Variants in KLHL6 observed in about 807,000 individuals in gnomAD.
KLHL6 encodes the protein kelch-like protein 6.
KLHL6 carries 41 observed loss-of-function variants against 58.6 expected under a neutral mutation model. The ratio of observed to expected loss-of-function variants is 0.70; its 90% confidence interval spans 0.55 to 0.91. The LOEUF (loss-of-function observed/expected upper bound fraction) is 0.91, where lower values mean the gene tolerates loss of function less well. KLHL6 is among the 40% of genes least tolerant of loss of function. The probability of loss-of-function intolerance (pLI) is 0.00; values close to 1 mark genes in which losing one functional copy is unlikely to be tolerated. For synonymous variants in KLHL6, 338 were observed against 322.7 expected (o/e 1.05, Z -0.51); for missense variants, 714 against 805.6 (o/e 0.89, Z 1.38).
At position 183,499,500 on chromosome 3, in the gene KLHL6, T is replaced by A; in HGVS notation, c.1147+90A>T. 2.4e-6 allele frequency: 2 copies of A among 831,692 alleles called. No homozygotes were observed. The highest frequency in any genetic ancestry group is 3.8e-6 in the Non-Finnish European group (2 of 520,416). 51.5% of individuals were successfully genotyped at this position (831,692 alleles called of 1,614,324 possible). On this transcript the variant is annotated intron_variant, in intron 4 of 6. Coordinates refer to ENST00000341319, the MANE Select transcript of KLHL6 (RefSeq NM_130446.4). The surrounding 1 kb of genome is among the most constrained non-coding windows in gnomAD (Gnocchi z 4.6). ...GAGCCGGATCATTGCCAATTCACAG[T>A]AATTCTTCTAGGATGGTTGCCTGGC...
chr3:183,553,949 A>G (rs1267068082), intron 1 of KLHL6, among the ~76,000 whole-genome samples: 4 of 151,610 alleles, frequency 2.6e-5, no homozygotes, highest in Non-Finnish European at 5.9e-5. Flanking sequence ...TCTATGAATT[A>G]CAAAGAAACG....
chr3:183,531,443 G>GTTTTTTTT lies in KLHL6; in HGVS notation c.294-3441_294-3434dup, dbSNP rs59579259. 4.5e-4 allele frequency among the ~76,000 whole-genome samples: 41 copies of GTTTTTTTT among 90,346 alleles called. 1 individual carries two copies. Among genetic ancestry groups the GTTTTTTTT allele is most frequent in the African/African-American group, 1.5e-3 (32 of 20,660 alleles). The allele number at this position is 90,346 out of a possible 152,430, so 59.3% of individuals were successfully genotyped here. On this transcript the variant is annotated intron_variant, in intron 1 of 6. Transcript: ENST00000341319. ...TTCTTTCTGTTCTTTTTTTGTCTGT[G>GTTTTTTTT]TTTTTTTTTTTTTTTTTTTTTTTTG...
chr3:183,535,876 T>C (rs931919014), intron 1 of KLHL6, among the ~76,000 whole-genome samples: 11 of 152,104 alleles, frequency 7.2e-5, no homozygotes, highest in Non-Finnish European at 1.5e-4. Context: ...CCCGGGTTCA[T>C]GCCATTCTCC....
At position 183,508,049 on chromosome 3, in the gene KLHL6, T is replaced by G. The variant is rs1453577856; in HGVS notation, c.909+10A>C. 1.4e-5 allele frequency: 23 copies of G among 1,610,908 alleles called. No homozygotes were observed. The highest frequency in any genetic ancestry group is 2.0e-5 in the Non-Finnish European group (23 of 1,177,624). On this transcript the variant is annotated intron_variant, in intron 3 of 6. Transcript: ENST00000341319. ...CTGGTTAAATATAGCACCTCTTATC[T>G]TCTACTCACCTCATTGCCAGAAAGG...
intron 1 of KLHL6, among the ~76,000 whole-genome samples, chr3:183,541,178 T>A (rs1712540319): frequency 6.6e-6 from 1 of 152,206 alleles, no homozygotes; most frequent in African/African-American, 2.4e-5. Context: ...GCTCCTCCAG[T>A]CATAAAAGGT....
chr3:183,541,943 C>T (rs1376232781), intron 1 of KLHL6, among the ~76,000 whole-genome samples: 2 of 152,096 alleles, frequency 1.3e-5, no homozygotes, highest in African/African-American at 2.4e-5. Context: ...AGGCTCAGAG[C>T]TGGTCCTCAG....
rs543147350 is a variant in KLHL6, at chr3:183,548,912, G to T, written c.293+6449C>A. 4.0e-5 allele frequency: 6 copies of T among 151,830 alleles called. No individual in the cohort carries two copies. In the East Asian group the frequency reaches 1.2e-3, roughly 29 times the overall value. 9.4% of individuals were successfully genotyped at this position (151,830 alleles called of 1,614,324 possible). A position where few individuals can be genotyped will look rare whatever the true frequency, so the allele number is the denominator to read the frequency against. ...ACACAGCAACAGAAAACCAAACACCGCATGTTCTCACTCATAAGTGGGAGT... is the reference window on the plus strand; with the variant it reads ...ACACAGCAACAGAAAACCAAACACCTCATGTTCTCACTCATAAGTGGGAGT... On this transcript the variant is annotated intron_variant, in intron 1 of 6. Transcript: ENST00000341319.
chr3:183,529,560 G>A (rs1329798577), intron 1 of KLHL6, among the ~76,000 whole-genome samples: 1 of 152,224 alleles, frequency 6.6e-6, no homozygotes, highest in Non-Finnish European at 1.5e-5. Flanking sequence ...GTGGGGGACC[G>A]GGGGTGGGGG....
At chr3:183,535,892 C>T (rs1156466599) in intron 1 of KLHL6, among the ~76,000 whole-genome samples, 3 of 152,230 alleles carry the variant, frequency 2.0e-5, no homozygotes, top group African/African-American at 7.2e-5. Flanking sequence ...TCTCCTGCCT[C>T]AGCCTCCTGA....
intron 1 of KLHL6, among the ~76,000 whole-genome samples, chr3:183,549,535 G>A (rs969437852): frequency 2.6e-5 from 4 of 152,180 alleles, no homozygotes; most frequent in African/African-American, 9.7e-5. Flanking sequence ...GGACACCTGA[G>A]TCTTGCTCTG....
chr3:183,524,229 G>A (rs574005031), intron 2 of KLHL6, among the ~76,000 whole-genome samples: 1 of 152,046 alleles, frequency 6.6e-6, no homozygotes, highest in Non-Finnish European at 1.5e-5. Flanking sequence ...GCTTACCTAC[G>A]ACTCAGAAGC....
chr3:183,511,177 A>G (rs1044757212), intron 2 of KLHL6, among the ~76,000 whole-genome samples: 3 of 152,256 alleles, frequency 2.0e-5, no homozygotes, highest in Admixed American at 6.5e-5. Flanking sequence ...AAGGTCAGCA[A>G]GAAAACATGT....
In KLHL6 at chr3:183,499,277, C is replaced by T. The variant is rs887801135; in HGVS notation, c.1147+313G>A. On this transcript the variant is annotated intron_variant, in intron 4 of 6. Coordinates refer to ENST00000341319, the MANE Select transcript of KLHL6 (RefSeq NM_130446.4). This position sits in a 1 kb window ranked among gnomAD's most constrained non-coding sequence, Gnocchi z 4.6. Reference sequence around the variant, plus strand: ...AGGAGGGTCACTTGAACTCGGGAGGCGGAGGTTGCAGCTAGCCAAGATTGC... The same window carrying T: ...AGGAGGGTCACTTGAACTCGGGAGGTGGAGGTTGCAGCTAGCCAAGATTGC... 3.3e-5 allele frequency among the ~76,000 whole-genome samples: 5 copies of T among 151,528 alleles called. No homozygotes were observed. Among genetic ancestry groups the T allele is most frequent in the African/African-American group, 7.3e-5 (3 of 41,218 alleles).
Position 183,499,528 on chromosome 3 carries a change from C to A in KLHL6, c.1147+62G>T. On this transcript the variant is annotated intron_variant, in intron 4 of 6. Transcript: ENST00000341319. This position sits in a 1 kb window ranked among gnomAD's most constrained non-coding sequence, Gnocchi z 4.6. ...TTCTTCTAGGATGGTTGCCTGGCTGCCACTCAGGAATATATGTAGTGCTAC... is the reference window on the plus strand; with the variant it reads ...TTCTTCTAGGATGGTTGCCTGGCTGACACTCAGGAATATATGTAGTGCTAC... 8.9e-7 allele frequency: 1 copy of A among 1,120,022 alleles called. No homozygotes were observed. The highest frequency in any genetic ancestry group is 1.3e-6 in the Non-Finnish European group (1 of 776,906). 69.4% of individuals were successfully genotyped at this position (1,120,022 alleles called of 1,614,324 possible). A position where few individuals can be genotyped will look rare whatever the true frequency, so the allele number is the denominator to read the frequency against.
intron 3 of KLHL6, among the ~76,000 whole-genome samples, chr3:183,501,303 C>T (rs567929082): frequency 2.6e-5 from 4 of 152,246 alleles, no homozygotes; most frequent in South Asian, 2.1e-4. Context: ...GCAACTTTCT[C>T]TTCAGGTGTC....
chr3:183,499,657 C>G lies in KLHL6; in HGVS notation c.1080G>C (p.Leu360=). 1 of 1,611,140 alleles carries G rather than the reference C, an allele frequency of 6.2e-7. No individual in the cohort carries two copies. The highest frequency in any genetic ancestry group is 8.5e-7 in the Non-Finnish European group (1 of 1,178,820). The change falls in exon 4 of 7, where the codon CTG becomes CTC. Residue 360 remains leucine, a synonymous_variant. Transcript: ENST00000341319. The surrounding 1 kb of genome is among the most constrained non-coding windows in gnomAD (Gnocchi z 4.6). ...VAKLPLTEHE[L]ESENKKWVEF... is the part of the protein sequence containing the mutation. ...CCACCCACTTCTTATTCTCACTCTC[C>G]AGCTCATGCTCTGTTAGCGGGAGCT...
chr3:183,539,138 A>G (rs1280931648), intron 1 of KLHL6, among the ~76,000 whole-genome samples: 2 of 152,176 alleles, frequency 1.3e-5, no homozygotes, highest in Non-Finnish European at 2.9e-5. Flanking sequence ...GGTCACCCCT[A>G]CTTCCTCCTG....
At chr3:183,531,889 A>C (rs564001458) in intron 1 of KLHL6, among the ~76,000 whole-genome samples, 30 of 152,240 alleles carry the variant, frequency 2.0e-4, no homozygotes, top group South Asian at 2.1e-4. Context: ...TTATACATAA[A>C]GTCTCACCCA....
chr3:183,527,839 A>C lies in KLHL6; in HGVS notation c.459+6T>G. The C allele has an allele frequency of 6.2e-7, 1 of 1,613,776 alleles. No homozygotes were observed. The highest frequency in any genetic ancestry group is 8.5e-7 in the Non-Finnish European group (1 of 1,179,842). ...AGAAGAGCACTGAGCCAGTTTGTTCACACACCTGGAAGAGGTTAGCAGCCT... is the reference window on the plus strand; with the variant it reads ...AGAAGAGCACTGAGCCAGTTTGTTCCCACACCTGGAAGAGGTTAGCAGCCT... On this transcript the variant is annotated splice_donor_region_variant and intron_variant, in intron 2 of 6. Coordinates refer to ENST00000341319, the MANE Select transcript of KLHL6 (RefSeq NM_130446.4).
Sources: gnomAD v4.1 joint callset for allele counts (sites outside exome capture counted in the v4.1 genomes callset) on GRCh38, gnomAD v4.1.1 for gene constraint, Gnocchi (gnomAD v3.1) non-coding constraint, MANE v1.5 for transcripts, NCBI Gene and HGNC (gene_info 2026-07-23, HGNC 2026-07-21) for gene names.